TG: variants seen among roughly 807,000 people sequenced by gnomAD.
TG encodes the protein thyroglobulin.
Under a neutral mutation model 324.7 loss-of-function variants are expected in TG, and 270 were observed. The observed-to-expected ratio is 0.83, with a 90% CI of 0.75 to 0.92. TG has a LOEUF of 0.92. TG is among the 40% of genes least tolerant of loss of function. The pLI, the probability that TG is intolerant of heterozygous loss-of-function variation, is 0.00. For missense variants in TG, 3,591 were observed against 3,456.4 expected (o/e 1.04, Z -0.98); for synonymous variants, 1,401 against 1,327.0 (o/e 1.06, Z -1.21).
intron 22 of TG, among the ~76,000 whole-genome samples, chr8:132,927,030 C>A (rs575573587): frequency 7.9e-5 from 12 of 152,286 alleles, no homozygotes; most frequent in Non-Finnish European, 1.6e-4. Flanking sequence ...TTCCCTTTAA[C>A]TTTAGGTTCA....
chr8:133,113,634 C>A, intron 44 of TG, 31 bp downstream of exon 44: 1 of 1,609,152 alleles, frequency 6.2e-7, no homozygotes, highest in Non-Finnish European at 8.5e-7. Flanking sequence ...GTGCAGATTC[C>A]TACTGCTATG....
chr8:133,023,784 G>C (rs953619147), intron 40 of TG, among the ~76,000 whole-genome samples: 1 of 152,190 alleles, frequency 6.6e-6, no homozygotes, highest in Non-Finnish European at 1.5e-5. Flanking sequence ...CTGTCCCTCA[G>C]TGGGCGGGGG....
chr8:132,949,067 A>AC, intron 27 of TG, 124 bp downstream of exon 27: 1 of 903,808 alleles, frequency 1.1e-6, no homozygotes, highest in African/African-American at 1.7e-5. Flanking sequence ...AAAAAAAAAA[A>AC]AACTTTACCA....
intron 10 of TG, 38 bp from the exon 11 acceptor site, chr8:132,893,652 G>T: frequency 6.2e-7 from 1 of 1,612,996 alleles, no homozygotes; most frequent in Non-Finnish European, 8.5e-7. Context: ...AAGTCCACGT[G>T]GTGAGTGAGT....
At chr8:133,050,943 G>A (rs769612255) in intron 41 of TG, 1 of 1,373,990 alleles carries the variant, frequency 7.3e-7, no homozygotes, top group South Asian at 1.2e-5. Context: ...AGGGGGAAGG[G>A]GGCAAGGTGC....
At chr8:132,989,497 G>A (rs554039199) in intron 35 of TG, among the ~76,000 whole-genome samples, 4 of 152,324 alleles carry the variant, frequency 2.6e-5, no homozygotes, top group African/African-American at 9.6e-5. Context: ...GCGAGGTGGA[G>A]CGAAGAGAGA....
At position 133,116,657 on chromosome 8, in the gene TG, A is replaced by G. The variant is rs770651070; in HGVS notation, c.7803A>G (p.Ala2601=). The G allele has an allele frequency of 1.4e-5, 23 of 1,614,236 alleles. No homozygotes were observed. The highest frequency in any genetic ancestry group is 1.2e-4 in the South Asian group (11 of 91,088). The change falls in exon 45 of 48, where the codon GCA becomes GCG. Residue 2601 remains alanine, a synonymous_variant. Coordinates refer to ENST00000220616, the MANE Select transcript of TG (RefSeq NM_003235.5). ...CPIIDMASAW[A]KRARGNVFMY... is the part of the protein sequence containing the mutation. Reference sequence around the variant, plus strand: ...TAATCGACATGGCCAGTGCCTGGGCAAAGAGGGCCCGAGGAAACGTCTTCA... The same window carrying G: ...TAATCGACATGGCCAGTGCCTGGGCGAAGAGGGCCCGAGGAAACGTCTTCA...
At chr8:133,116,551 C>T in intron 44 of TG, 58 bp from the exon 45 acceptor site, 2 of 1,507,670 alleles carry the variant, frequency 1.3e-6, no homozygotes, top group Non-Finnish European at 9.2e-7. Flanking sequence ...CCTTTCCAGG[C>T]ACCATGGCCC....
chr8:133,052,424 T>C (rs1840584939), intron 41 of TG, among the ~76,000 whole-genome samples: 1 of 152,102 alleles, frequency 6.6e-6, no homozygotes, highest in Non-Finnish European at 1.5e-5. Context: ...CTTTACAATA[T>C]GGAAAGGGAT....
chr8:133,102,547 A>T (rs1299251574), intron 43 of TG: 2 of 1,551,482 alleles, frequency 1.3e-6, no homozygotes, highest in African/African-American at 2.7e-5. Context: ...AAAGTTAGCA[A>T]CCTACCGGTG....
intron 45 of TG, among the ~76,000 whole-genome samples, chr8:133,129,627 G>A (rs868780305): frequency 6.6e-6 from 1 of 152,036 alleles, no homozygotes; most frequent in African/African-American, 2.4e-5. Flanking sequence ...CCTCCAAGTA[G>A]CTGGGACTAT....
chr8:133,081,548 G>A (rs924901412), intron 41 of TG, among the ~76,000 whole-genome samples: 1 of 151,972 alleles, frequency 6.6e-6, no homozygotes, highest in African/African-American at 2.4e-5. Flanking sequence ...AGAATCTTCG[G>A]GAGGTCTTTT....
chr8:132,925,481 T>G (rs1432942748), intron 22 of TG, among the ~76,000 whole-genome samples: 1 of 151,290 alleles, frequency 6.6e-6, no homozygotes. Context: ...ATCATTTCCC[T>G]TCTCTAGTGA....
chr8:133,119,832 T>A (rs1850998762), intron 45 of TG, among the ~76,000 whole-genome samples: 1 of 152,212 alleles, frequency 6.6e-6, no homozygotes, highest in South Asian at 2.1e-4. Flanking sequence ...CTTTCCACTC[T>A]AACACGCGGT....
chr8:132,897,318 A>G (rs1190292532), intron 11 of TG, among the ~76,000 whole-genome samples: 1 of 152,172 alleles, frequency 6.6e-6, no homozygotes, highest in South Asian at 2.2e-4. Context: ...CACACATAAC[A>G]TATGAGTATA....
At position 132,882,879 on chromosome 8, in the gene TG, T is replaced by C. The variant is rs1462902041; in HGVS notation, c.955T>C (p.Cys319Arg). 6.2e-7 allele frequency: 1 copy of C among 1,614,216 alleles called. No individual in the cohort carries two copies. Among genetic ancestry groups the C allele is most frequent in the Admixed American group, 1.7e-5 (1 of 60,020 alleles). Residue 319 changes from cysteine (C) to arginine (R), a missense_variant, in exon 8 of 48, where the codon TGC becomes CGC. Physicochemically the swap from Cys to Arg is radical, Grantham distance 180 (BLOSUM62 -3). Transcript: ENST00000220616. ...CTTTGGTCACCCCTATGTTCCAAGCTGCCGCCGAAATGGCGACTATCAGGC... is the reference window on the plus strand; with the variant it reads ...CTTTGGTCACCCCTATGTTCCAAGCCGCCGCCGAAATGGCGACTATCAGGC... ...TSFGHPYVPS[C>R]RRNGDYQAVQ... is the part of the protein sequence containing the mutation.
Position 133,133,673 on chromosome 8 carries a change from TG to T in TG, c.8188+16del, listed in dbSNP as rs1234637031. 14 of 1,611,386 alleles carry T rather than the reference TG, an allele frequency of 8.7e-6. No individual in the cohort carries two copies. Among genetic ancestry groups the T allele is most frequent in the Non-Finnish European group, 1.2e-5 (14 of 1,178,564 alleles). ...AAGACATCTGCAGGTAGCAAAGCCC[TG>T]GGACAAGTGGAGGGAGCTGGGTGTT... On this transcript the variant is annotated intron_variant, in intron 47 of 47. Coordinates refer to ENST00000220616, the MANE Select transcript of TG (RefSeq NM_003235.5).
intron 43 of TG, among the ~76,000 whole-genome samples, chr8:133,107,676 C>A (rs1849920809): frequency 6.6e-6 from 1 of 152,178 alleles, no homozygotes; most frequent in African/African-American, 2.4e-5. Flanking sequence ...ATTTGGGAGA[C>A]AACTTTTGGG....
At chr8:132,975,520 T>A (rs1379112691) in intron 34 of TG, among the ~76,000 whole-genome samples, 1 of 152,230 alleles carries the variant, frequency 6.6e-6, no homozygotes, top group Non-Finnish European at 1.5e-5. Context: ...CTCAGGAGTT[T>A]TGACCAGAAA....
Sources: gnomAD v4.1 joint callset for allele counts (sites outside exome capture counted in the v4.1 genomes callset) on GRCh38, gnomAD v4.1.1 for gene constraint, MANE v1.5 for transcripts, NCBI Gene and HGNC (gene_info 2026-07-23, HGNC 2026-07-21) for gene names.